Variants in CRYBG3 observed in about 807,000 individuals in gnomAD.
The protein encoded by CRYBG3 is crystallin beta-gamma domain containing 3.
Under a neutral mutation model 244.2 loss-of-function variants are expected in CRYBG3, and 127 were observed. The ratio of observed to expected loss-of-function variants is 0.52; its 90% CI spans 0.45 to 0.60. CRYBG3 has a LOEUF of 0.60. CRYBG3 is among the 20% of genes least tolerant of loss of function. CRYBG3 has a pLI of 0.00. For missense variants in CRYBG3, 3,325 were observed against 3,442.5 expected (o/e 0.97, Z 0.85); for synonymous variants, 1,132 against 1,195.8 (o/e 0.95, Z 1.10).
chr3:97,871,746 T>C (rs757690938), intron 3 of CRYBG3, 96 bp from the exon 4 acceptor site: 238 of 785,850 alleles, frequency 3.0e-4, no homozygotes, highest in Non-Finnish European at 4.2e-4. Context: ...TTAAGGGAAG[T>C]GGTGTTTAAA....
intron 19 of CRYBG3, 136 bp downstream of exon 19, chr3:97,937,044 A>G (rs968664054): frequency 3.2e-6 from 3 of 923,782 alleles, no homozygotes; most frequent in African/African-American, 3.4e-5. Flanking sequence ...TAGGATGCGG[A>G]TATCTTGTAC....
intron 15 of CRYBG3, among the ~76,000 whole-genome samples, chr3:97,902,247 AT>A (rs2039714422): frequency 1.3e-5 from 2 of 152,068 alleles, no homozygotes; most frequent in Admixed American, 6.6e-5. Flanking sequence ...TATGCTGGTG[AT>A]TTTAAAGGGA....
chr3:97,832,744 C>T (rs2038671845), intron 1 of CRYBG3, among the ~76,000 whole-genome samples: 1 of 152,112 alleles, frequency 6.6e-6, no homozygotes, highest in Admixed American at 6.5e-5. Flanking sequence ...TAAAGAGCTT[C>T]TGCACAGCAA....
At chr3:97,900,537 A>G (rs768799089) in intron 15 of CRYBG3, 52 bp downstream of exon 15, 5 of 1,098,410 alleles carry the variant, frequency 4.6e-6, no homozygotes, top group South Asian at 2.7e-5. Context: ...AAAAGCATTT[A>G]TACCCTTTCT....
intron 15 of CRYBG3, among the ~76,000 whole-genome samples, chr3:97,908,723 A>C (rs1486377401): frequency 6.6e-6 from 1 of 152,176 alleles, no homozygotes; most frequent in Non-Finnish European, 1.5e-5. Context: ...TGTGTCTTTT[A>C]ATTGGAGCAT....
chr3:97,875,177 C>T lies in CRYBG3; in HGVS notation c.3983C>T (p.Thr1328Ile). 6.5e-7 allele frequency: 1 copy of T among 1,535,184 alleles called. No homozygotes were observed. Among genetic ancestry groups the T allele is most frequent in the Non-Finnish European group, 8.7e-7 (1 of 1,146,268 alleles). Residue 1328 changes from threonine (T) to isoleucine (I), a missense_variant, in exon 4 of 22, where the codon ACT becomes ATT. By Grantham distance (89) the Thr-to-Ile change is moderately conservative. Transcript: ENST00000389622. ...TTGAGAAATGATACTTTTGAAGATA[C>T]TGAGGATACTTGGGATTCTGAACTT... ...EKLRNDTFED[T>I]EDTWDSELQA...
rs954905141 is a variant in CRYBG3 at position 97,873,342 on chromosome 3, T to C, written c.2148T>C (p.Ser716=). 48 of 1,535,446 alleles carry C rather than the reference T, an allele frequency of 3.1e-5. No individual in the cohort carries two copies. The highest frequency in any genetic ancestry group is 3.8e-5 in the Non-Finnish European group (44 of 1,146,642). Reference sequence around the variant, plus strand: ...ATGTTGAGGCTGCAGGCAGGAAGAGTCCTCCTCCTTCCTTTTGCCTTGAAT... The same window carrying C: ...ATGTTGAGGCTGCAGGCAGGAAGAGCCCTCCTCCTTCCTTTTGCCTTGAAT... ...KNHVEAAGRK[S]PPPSFCLEYT... Residue 716 remains serine (S), a synonymous_variant, in exon 4 of 22, where the codon AGT becomes AGC. Transcript: ENST00000389622.
intron 21 of CRYBG3, chr3:97,942,727 G>C (rs1471099006): frequency 3.6e-6 from 1 of 274,342 alleles, no homozygotes; most frequent in Non-Finnish European, 6.7e-6. Flanking sequence ...ACCATGAAAT[G>C]AATGTCATCT....
At chr3:97,911,021 T>C (rs946338347) in intron 15 of CRYBG3, among the ~76,000 whole-genome samples, 3 of 152,222 alleles carry the variant, frequency 2.0e-5, no homozygotes, top group Admixed American at 6.5e-5. Flanking sequence ...AAATACAGTG[T>C]GGTTTCACAG....
At position 97,877,563 on chromosome 3, in the gene CRYBG3, T is replaced by G. The variant is rs1298537775; in HGVS notation, c.6369T>G (p.Val2123=). ...SRDSENQSSS[V]LSLLQSVSER... Reference sequence around the variant, plus strand: ...ACAGTGAAAACCAGTCCTCTTCTGTTTTATCCCTTCTCCAGTCAGTGTCAG... The same window carrying G: ...ACAGTGAAAACCAGTCCTCTTCTGTGTTATCCCTTCTCCAGTCAGTGTCAG... Residue 2123 remains valine, a synonymous_variant, in exon 4 of 22, where the codon GTT becomes GTG. Transcript: ENST00000389622. The G allele has an allele frequency of 6.2e-7, 1 of 1,614,108 alleles. No homozygotes were observed. The highest frequency in any genetic ancestry group is 1.7e-5 in the Admixed American group (1 of 60,020).
Position 97,864,539 on chromosome 3 carries a change from C to G in CRYBG3, c.539C>G (p.Thr180Ser). 2 of 1,535,868 alleles carry G rather than the reference C, an allele frequency of 1.3e-6. No individual in the cohort carries two copies. Among genetic ancestry groups the G allele is most frequent in the Non-Finnish European group, 1.7e-6 (2 of 1,146,772 alleles). ...GAGATTTTCAGTGGCTCCCTAAGAACCCAGACACATCCAACAGAAGAACAA... is the reference window on the plus strand; with the variant it reads ...GAGATTTTCAGTGGCTCCCTAAGAAGCCAGACACATCCAACAGAAGAACAA... Reference protein sequence around the residue: ...EREIFSGSLRTQTHPTEEQDS... With the variant: ...EREIFSGSLRSQTHPTEEQDS... Residue 180 changes from threonine to serine, a missense_variant, in exon 3 of 22, where the codon ACC becomes AGC. Thr to Ser is a moderately conservative substitution (Grantham distance 58). Coordinates refer to ENST00000389622, the MANE Select transcript of CRYBG3 (RefSeq NM_153605.4).
At position 97,936,867 on chromosome 3, in the gene CRYBG3, A is replaced by G; in HGVS notation, c.8464A>G (p.Ser2822Gly). ...TGAGATCCCAAACTGGACAGCATTC[A>G]GCAGATGGAAAACAATTGGTTCCCT... is the stretch of plus-strand genomic sequence containing the variant. ...PNEIPNWTAF[S>G]RWKTIGSLRP... The change falls in exon 19 of 22, where the codon AGC becomes GGC. Residue 2822 changes from serine (S) to glycine (G), a missense_variant. Ser to Gly is a moderately conservative substitution (Grantham distance 56). This residue lies in a region of CRYBG3 where 714 missense variants were observed against 803.6 expected (regional missense o/e 0.89). Transcript: ENST00000389622. The G allele has an allele frequency of 6.2e-7, 1 of 1,613,096 alleles. No individual in the cohort carries two copies. Among genetic ancestry groups the G allele is most frequent in the Non-Finnish European group, 8.5e-7 (1 of 1,179,392 alleles).
rs1350154691 is a variant in CRYBG3, at chr3:97,874,795, G to A, written c.3601G>A (p.Asp1201Asn). ...CAAAAGTAGTTTACTCAAAAAGGCC[G>A]ATACATTGATTGGTGAGATTTTTAA... is the stretch of plus-strand genomic sequence containing the variant. The part of the protein sequence containing the change: ...DLKSSLLKKA[D>N]TLIGEIFNSV... The change falls in exon 4 of 22, where the codon GAT becomes AAT. Residue 1201 changes from aspartate (D) to asparagine (N), a missense_variant. By Grantham distance (23) the Asp-to-Asn change is conservative. Around this residue, in one of 4 missense-constraint regions of CRYBG3, gnomAD observed 1,526 missense variants for 1,443.2 expected, o/e 1.06. Transcript: ENST00000389622. The A allele has an allele frequency of 4.6e-6, 7 of 1,535,972 alleles. No homozygotes were observed. Among genetic ancestry groups the A allele is most frequent in the Middle Eastern group, 1.7e-4 (1 of 5,990 alleles).
At chr3:97,907,861 C>T (rs2039797331) in intron 15 of CRYBG3, among the ~76,000 whole-genome samples, 1 of 150,464 alleles carries the variant, frequency 6.6e-6, no homozygotes, top group East Asian at 2.0e-4. Context: ...TTGGATCTTT[C>T]CTGCTTTCTC....
At chr3:97,942,255 G>T (rs1451515547) in intron 20 of CRYBG3, 29 bp from the exon 21 acceptor site, 1 of 1,569,538 alleles carries the variant, frequency 6.4e-7, no homozygotes, top group Non-Finnish European at 8.7e-7. Flanking sequence ...ACATACTACT[G>T]CCAATTAATC....
In CRYBG3 at chr3:97,876,095, T is replaced by C; in HGVS notation, c.4901T>C (p.Ile1634Thr). ...MKDTEGDIGK[I>T]EVIPMMPEVK... ...GATACTGAAGGGGATATTGGCAAAA[T>C]TGAGGTGATACCTATGATGCCAGAA... The change falls in exon 4 of 22, where the codon ATT becomes ACT. Residue 1634 changes from isoleucine (I) to threonine (T), a missense_variant. By Grantham distance (89) the Ile-to-Thr change is moderately conservative (BLOSUM62 -1). Transcript: ENST00000389622. 8.1e-7 allele frequency: 1 copy of C among 1,231,650 alleles called. No homozygotes were observed. The allele number at this position is 1,231,650 out of a possible 1,614,324, so 76.3% of individuals were successfully genotyped here. A position where few individuals can be genotyped will look rare whatever the true frequency, so the allele number is the denominator to read the frequency against.
rs555535399 is a variant in CRYBG3, at chr3:97,900,446, T to C, written c.7972-7T>C. On this transcript the variant is annotated splice_region_variant and splice_polypyrimidine_tract_variant and intron_variant, in intron 14 of 21. Transcript: ENST00000389622. ...CAATTTTGAAAATGTTTTAATATGT[T>C]TTTCAGGAACCACTTGGGATAAATG... 1.3e-6 allele frequency: 2 copies of C among 1,546,898 alleles called. No individual in the cohort carries two copies. Among genetic ancestry groups the C allele is most frequent in the East Asian group, 2.2e-5 (1 of 44,482 alleles).
intron 15 of CRYBG3, among the ~76,000 whole-genome samples, chr3:97,904,651 C>T (rs1005063154): frequency 1.3e-4 from 20 of 150,580 alleles, no homozygotes; most frequent in African/African-American, 2.9e-4. Context: ...TCTTCTCATG[C>T]GGCTTTTCTT....
chr3:97,853,482 A>G (rs946466649), intron 2 of CRYBG3, among the ~76,000 whole-genome samples: 2 of 151,826 alleles, frequency 1.3e-5, no homozygotes, highest in Non-Finnish European at 1.5e-5. Context: ...GGCTGGTTCC[A>G]TATTTTTGCA....
Sources: gnomAD v4.1 joint callset for allele counts (sites outside exome capture counted in the v4.1 genomes callset) on GRCh38, gnomAD v4.1.1 for gene constraint, gnomAD v4.1.1 regional missense constraint, MANE v1.5 for transcripts, NCBI Gene and HGNC (gene_info 2026-07-23, HGNC 2026-07-21) for gene names.